The following MYT1L variants were observed in gnomAD, a reference collection of about 807,000 sequenced individuals.
The protein encoded by MYT1L is myelin transcription factor 1-like protein.
A neutral mutation model predicts 126.7 loss-of-function variants in MYT1L; 12 were observed. The ratio of observed to expected loss-of-function variants is 0.09; its 90% CI spans 0.06 to 0.15. The LOEUF is 0.15. MYT1L is among the 10% of genes least tolerant of loss of function. The pLI is 1.00. For missense variants in MYT1L, 979 were observed against 1,585.2 expected (o/e 0.62, Z 6.49); for synonymous variants, 541 against 604.2 (o/e 0.90, Z 1.53).
At chr2:2,166,048 A>C (rs1422723699) in intron 3 of MYT1L, among the ~76,000 whole-genome samples, 1 of 152,228 alleles carries the variant, frequency 6.6e-6, no homozygotes, top group African/African-American at 2.4e-5. Context: ...TAAAGTCATT[A>C]AAAGGTAATT....
At chr2:1,973,043 G>C (rs2059922576) in intron 8 of MYT1L, among the ~76,000 whole-genome samples, 1 of 152,112 alleles carries the variant, frequency 6.6e-6, no homozygotes, top group Non-Finnish European at 1.5e-5. Flanking sequence ...GTCCAGTGAA[G>C]GTTAAATGGG....
At position 1,994,287 on chromosome 2, in the gene MYT1L, G is replaced by A. The variant is rs546902141; in HGVS notation, c.-1+2904C>T. ...TCAGGCCCTGCTCCCTCCTCCCAGC[G>A]AGTCCTCCTGGGGGGCTCAGCCCTG... On this transcript the variant is annotated intron_variant, in intron 5 of 24. Coordinates refer to ENST00000647738, the MANE Select transcript of MYT1L (RefSeq NM_001303052.2). 8.6e-5 allele frequency among the ~76,000 whole-genome samples: 13 copies of A among 151,472 alleles called. No individual in the cohort carries two copies. In the East Asian group the frequency reaches 2.0e-3, roughly 23 times the overall value.
intron 5 of MYT1L, among the ~76,000 whole-genome samples, chr2:1,993,709 C>T (rs945206213): frequency 3.3e-5 from 5 of 152,318 alleles, no homozygotes; most frequent in African/African-American, 7.2e-5. Context: ...AAAAAGATAT[C>T]GTCACTTTAC....
At chr2:2,208,804 G>A (rs1489384952) in intron 2 of MYT1L, among the ~76,000 whole-genome samples, 1 of 152,020 alleles carries the variant, frequency 6.6e-6, no homozygotes, top group Non-Finnish European at 1.5e-5. Context: ...TAGTAGAAAT[G>A]ATACCTCAGA....
chr2:1,967,771 C>T (rs1024671580), intron 8 of MYT1L, among the ~76,000 whole-genome samples: 2 of 152,116 alleles, frequency 1.3e-5, no homozygotes, highest in Admixed American at 6.5e-5. Flanking sequence ...GCAGGCGAGA[C>T]GAGGTGCAGC....
intron 21 of MYT1L, among the ~76,000 whole-genome samples, chr2:1,813,896 G>A (rs544976206): frequency 7.1e-5 from 8 of 112,532 alleles, no homozygotes; most frequent in East Asian, 5.3e-4. Context: ...GCGTGGTAGC[G>A]GGCGCCTGTA....
At position 1,840,988 on chromosome 2, in the gene MYT1L, C is replaced by T. The variant is rs1291360229; in HGVS notation, c.2775-145G>A. On this transcript the variant is annotated intron_variant, in intron 19 of 24. Transcript: ENST00000647738. ...GTGTGATCTCGGCTCACTGCAAGCT[C>T]CGCCTCCCGGGTTCACGCCATTCTC... 1.7e-5 allele frequency: 10 copies of T among 589,650 alleles called. No individual in the cohort carries two copies. The East Asian group carries it at 3.1e-4, about 18-fold the overall frequency. 36.5% of individuals were successfully genotyped at this position (589,650 alleles called of 1,614,324 possible).
chr2:2,304,948 G>A (rs946395353), intron 1 of MYT1L, among the ~76,000 whole-genome samples: 3 of 152,194 alleles, frequency 2.0e-5, no homozygotes, highest in Non-Finnish European at 4.4e-5. Context: ...GAGTTGAGAT[G>A]TACTTTCAGT....
At chr2:1,959,564 C>T (rs1333049265) in intron 8 of MYT1L, among the ~76,000 whole-genome samples, 1 of 152,226 alleles carries the variant, frequency 6.6e-6, no homozygotes, top group Non-Finnish European at 1.5e-5. Flanking sequence ...TGGAATCCCA[C>T]ACACCTCCTC....
intron 4 of MYT1L, among the ~76,000 whole-genome samples, chr2:2,002,306 C>T (rs138145896): frequency 2.0e-5 from 3 of 152,292 alleles, no homozygotes; most frequent in Non-Finnish European, 4.4e-5. Flanking sequence ...CCTGCCTTGA[C>T]CTCTTCTAGC....
Position 1,998,930 on chromosome 2 carries a change from C to T in MYT1L, c.-157-1583G>A, listed in dbSNP as rs183410682. On this transcript the variant is annotated intron_variant, in intron 4 of 24. Transcript: ENST00000647738. ...AAGAAAAAGAGAAAGAAAATGTTCG[C>T]ACTGCCCTGTGAAGACAGATTCTAA... is the stretch of plus-strand genomic sequence containing the variant. 9.9e-5 allele frequency among the ~76,000 whole-genome samples: 15 copies of T among 152,210 alleles called. No homozygotes were observed. The East Asian group carries it at 1.9e-3, about 20-fold the overall frequency.
At chr2:1,961,857 G>A (rs113418621) in intron 8 of MYT1L, among the ~76,000 whole-genome samples, 1,544 of 152,304 alleles carry the variant, frequency 0.01, 24 homozygotes, top group African/African-American at 0.035. Flanking sequence ...CAAATATACG[G>A]TTTGACAGAA....
At chr2:2,075,407 T>C (rs112760520) in intron 3 of MYT1L, among the ~76,000 whole-genome samples, 5 of 152,282 alleles carry the variant, frequency 3.3e-5, no homozygotes, top group African/African-American at 9.6e-5. Context: ...TTCACAGTCA[T>C]CTGGACCCCT....
chr2:2,270,034 G>T (rs1386292925), intron 2 of MYT1L, among the ~76,000 whole-genome samples: 1 of 152,160 alleles, frequency 6.6e-6, no homozygotes. Flanking sequence ...TCAGGAGGTG[G>T]GTGGGGCGTG....
intron 2 of MYT1L, among the ~76,000 whole-genome samples, chr2:2,236,153 C>T (rs1290514060): frequency 2.7e-5 from 4 of 146,674 alleles, no homozygotes; most frequent in African/African-American, 7.6e-5. Flanking sequence ...CCAGTACATC[C>T]CATCCTAACC....
At chr2:1,850,632 C>A (rs971068371) in intron 19 of MYT1L, among the ~76,000 whole-genome samples, 3 of 152,128 alleles carry the variant, frequency 2.0e-5, no homozygotes, top group Non-Finnish European at 2.9e-5. Flanking sequence ...CCTTGGCTTC[C>A]CTCTCTGTGC....
intron 3 of MYT1L, among the ~76,000 whole-genome samples, chr2:2,057,157 CTG>C (rs1445320722): frequency 6.6e-6 from 1 of 152,156 alleles, no homozygotes; most frequent in Non-Finnish European, 1.5e-5. Context: ...GTGTAGGTTT[CTG>C]TGTCTATGAC....
intron 3 of MYT1L, among the ~76,000 whole-genome samples, chr2:2,084,351 C>T (rs114687732): frequency 0.017 from 2,649 of 152,350 alleles, 78 homozygotes; most frequent in African/African-American, 0.059. Context: ...TGCCTCTCTT[C>T]GGTGTAACCG....
rs779563732 is a variant in MYT1L at position 1,809,174 on chromosome 2, A to ACAAGACAC, written c.3081-15_3081-8dup. 5.1e-5 allele frequency: 82 copies of ACAAGACAC among 1,613,646 alleles called. No homozygotes were observed. Among genetic ancestry groups the ACAAGACAC allele is most frequent in the Non-Finnish European group, 6.6e-5 (78 of 1,179,684 alleles). On this transcript the variant is annotated splice_polypyrimidine_tract_variant and splice_region_variant and intron_variant, in intron 21 of 24. Coordinates refer to ENST00000647738, the MANE Select transcript of MYT1L (RefSeq NM_001303052.2). Reference sequence around the variant, plus strand: ...TCTCGGGCATCCTGACAAGCTGTGGACAAGACACAGGACGGCCATTAGTCA... The same window carrying ACAAGACAC: ...TCTCGGGCATCCTGACAAGCTGTGGACAAGACACCAAGACACAGGACGGCCATTAGTCA...
Sources: gnomAD v4.1 joint callset for allele counts (sites outside exome capture counted in the v4.1 genomes callset) on GRCh38, gnomAD v4.1.1 for gene constraint, MANE v1.5 for transcripts, NCBI Gene and HGNC (gene_info 2026-07-23, HGNC 2026-07-21) for gene names.